Variants in DAB1 observed in about 807,000 individuals in gnomAD.
DAB1 encodes disabled homolog 1.
In DAB1, 15 loss-of-function variants were observed where a neutral mutation model predicts 64.6. The observed-to-expected ratio is 0.23, with a 90% CI of 0.16 to 0.36. The LOEUF (loss-of-function observed/expected upper bound fraction) is 0.36, where lower values mean the gene tolerates loss of function less well. Among genes scored for constraint, DAB1 ranks in the 10% least tolerant of loss-of-function variants. DAB1 has a pLI of 1.00. For synonymous variants in DAB1, 235 were observed against 251.9 expected (o/e 0.93, Z 0.64); for missense variants, 596 against 706.7 (o/e 0.84, Z 1.78).
At chr1:57,913,430 T>C (rs1365002126) in intron 5 of DAB1, among the ~76,000 whole-genome samples, 7 of 152,220 alleles carry the variant, frequency 4.6e-5, no homozygotes, top group South Asian at 2.1e-4. Context: ...TTACACCTTT[T>C]ACAAAAATTA....
chr1:57,987,934 G>A (rs566211208), intron 5 of DAB1, among the ~76,000 whole-genome samples: 4 of 151,974 alleles, frequency 2.6e-5, no homozygotes, highest in East Asian at 3.9e-4. Context: ...GGATGCGATC[G>A]CATGCCTGGA....
chr1:57,050,116 C>A (rs999623767), intron 9 of DAB1, among the ~76,000 whole-genome samples: 2 of 152,150 alleles, frequency 1.3e-5, no homozygotes, highest in African/African-American at 4.8e-5. Flanking sequence ...GCCCTGCTGT[C>A]CCTTGTTTGG....
intron 1 of DAB1, among the ~76,000 whole-genome samples, chr1:57,315,084 ACTT>A (rs1367933041): frequency 1.3e-5 from 2 of 151,896 alleles, no homozygotes; most frequent in South Asian, 4.1e-4. Context: ...CCACCACCCC[ACTT>A]CTTCTGTCCT....
chr1:57,491,976 T>G (rs1644171231), intron 7 of DAB1, among the ~76,000 whole-genome samples: 1 of 152,150 alleles, frequency 6.6e-6, no homozygotes. Flanking sequence ...GAGGCTAAAA[T>G]GTGACTGACA....
At chr1:57,914,796 T>C (rs954702291) in intron 5 of DAB1, among the ~76,000 whole-genome samples, 1 of 152,340 alleles carries the variant, frequency 6.6e-6, no homozygotes, top group East Asian at 1.9e-4. Context: ...AAACATTATA[T>C]TGAGCCTGAC....
chr1:57,984,252 GAAAGAAAGAAAA>G lies in DAB1; in HGVS notation n.388-100102_388-100091del, dbSNP rs1227493392. On this transcript the variant is annotated intron_variant and non_coding_transcript_variant, in intron 5 of 20. Transcript: ENST00000485760. ...AGAAAGAAAGAAAGAAAGAAAGAAA[GAAAGAAAGAAAA>G]AAAATTAAACAGCCAAACCCATTGC... Among the ~76,000 whole-genome samples, 248 of 132,912 alleles carry G rather than the reference GAAAGAAAGAAAA, an allele frequency of 1.9e-3. 3 individuals are homozygous for G. Among genetic ancestry groups the G allele is most frequent in the African/African-American group, 5.0e-3 (173 of 34,526 alleles). The allele number at this position is 132,912 out of a possible 152,430, so 87.2% of individuals were successfully genotyped here.
At position 57,333,991 on chromosome 1, in the gene DAB1, G is replaced by A. The variant is rs561086094; in HGVS notation, c.-136-42825C>T. On this transcript the variant is annotated intron_variant, in intron 1 of 14. Transcript: ENST00000371236. The stretch of plus-strand genomic sequence containing the variant: ...GACAAGGGTTGGAGGAGGTAGTAAA[G>A]GAAGTGGTACAATTGAAGCAGGTAT... Among the ~76,000 whole-genome samples the A allele has an allele frequency of 1.1e-3, 174 of 152,274 alleles. 1 individual carries two copies. Among genetic ancestry groups the A allele is most frequent in the African/African-American group, 3.8e-3 (160 of 41,560 alleles).
intron 6 of DAB1, among the ~76,000 whole-genome samples, chr1:57,731,072 T>C (rs990892522): frequency 6.6e-6 from 1 of 152,234 alleles, no homozygotes; most frequent in African/African-American, 2.4e-5. Flanking sequence ...GCAACCCAAA[T>C]GTCCAGAGAT....
intron 5 of DAB1, among the ~76,000 whole-genome samples, chr1:57,982,713 T>A (rs1245081218): frequency 6.6e-6 from 1 of 152,234 alleles, no homozygotes; most frequent in African/African-American, 2.4e-5. Context: ...TTCCTCATTT[T>A]TCTCCTTCCA....
At chr1:57,013,877 G>A (rs1004583693) in intron 12 of DAB1, among the ~76,000 whole-genome samples, 1 of 152,156 alleles carries the variant, frequency 6.6e-6, no homozygotes, top group Non-Finnish European at 1.5e-5. Flanking sequence ...TGAGCTGGAG[G>A]AGACTCACTG....
At chr1:58,364,515 C>T (rs1644197624) in intron 3 of DAB1, among the ~76,000 whole-genome samples, 1 of 152,216 alleles carries the variant, frequency 6.6e-6, no homozygotes, top group Admixed American at 6.5e-5. Flanking sequence ...ATGCTAATAG[C>T]TTAATACCTG....
At chr1:57,905,878 A>G (rs1644543531) in intron 5 of DAB1, among the ~76,000 whole-genome samples, 1 of 152,218 alleles carries the variant, frequency 6.6e-6, no homozygotes, top group African/African-American at 2.4e-5. Context: ...GAGTAGGATG[A>G]ATGCCCCTGT....
At chr1:58,103,881 G>A (rs1218492917) in intron 5 of DAB1, among the ~76,000 whole-genome samples, 1 of 152,066 alleles carries the variant, frequency 6.6e-6, no homozygotes, top group Non-Finnish European at 1.5e-5. Context: ...TAACTTGCTT[G>A]TACATTTTCT....
At chr1:58,125,015 G>C (rs1311079631) in intron 5 of DAB1, among the ~76,000 whole-genome samples, 2 of 152,048 alleles carry the variant, frequency 1.3e-5, no homozygotes, top group Non-Finnish European at 2.9e-5. Context: ...TTTGATCAAG[G>C]GGGATTCAAG....
At chr1:57,952,096 C>T (rs954246343) in intron 5 of DAB1, among the ~76,000 whole-genome samples, 1 of 152,114 alleles carries the variant, frequency 6.6e-6, no homozygotes, top group African/African-American at 2.4e-5. Flanking sequence ...TCAGATGTGG[C>T]TACCTGCTAC....
intron 4 of DAB1, among the ~76,000 whole-genome samples, chr1:57,103,849 C>A (rs1045550749): frequency 6.6e-6 from 1 of 152,042 alleles, no homozygotes; most frequent in African/African-American, 2.4e-5. Flanking sequence ...GGTAGGGGAC[C>A]CCTATGTCAG....
chr1:58,524,421 C>A (rs1324070344), intron 2 of DAB1, among the ~76,000 whole-genome samples: 2 of 152,134 alleles, frequency 1.3e-5, no homozygotes, highest in Non-Finnish European at 2.9e-5. Context: ...CTTTCATCTT[C>A]CTTTTAAGTT....
At chr1:58,424,024 T>C (rs1021744903) in intron 3 of DAB1, among the ~76,000 whole-genome samples, 1 of 152,236 alleles carries the variant, frequency 6.6e-6, no homozygotes, top group African/African-American at 2.4e-5. Flanking sequence ...CTAAACTCTC[T>C]AGTCTCTCCT....
intron 1 of DAB1, among the ~76,000 whole-genome samples, chr1:57,313,440 T>C (rs1228504877): frequency 1.3e-5 from 2 of 152,232 alleles, no homozygotes; most frequent in Non-Finnish European, 2.9e-5. Flanking sequence ...TAAAAGTCCA[T>C]TTCCTTCTTC....
Sources: gnomAD v4.1 joint callset for allele counts (sites outside exome capture counted in the v4.1 genomes callset) on GRCh38, gnomAD v4.1.1 for gene constraint, MANE v1.5 for transcripts, NCBI Gene and HGNC (gene_info 2026-07-23, HGNC 2026-07-21) for gene names.